Variants in ASB3 observed in about 807,000 individuals in gnomAD.
ASB3 encodes ankyrin repeat and SOCS box protein 3.
A neutral mutation model predicts 54.5 loss-of-function variants in ASB3; 41 were observed. The ratio of observed to expected loss-of-function variants is 0.75; its 90% CI spans 0.59 to 0.98. The LOEUF (loss-of-function observed/expected upper bound fraction) is 0.98. Among genes scored for constraint, ASB3 ranks in the 50% least tolerant of loss-of-function variants. The probability of loss-of-function intolerance (pLI) is 0.00; values close to 1 mark genes in which losing one functional copy is unlikely to be tolerated. For missense variants in ASB3, 733 were observed against 620.0 expected (o/e 1.18, Z -1.94); for synonymous variants, 266 against 221.2 (o/e 1.20, Z -1.80).
intron 7 of ASB3, among the ~76,000 whole-genome samples, chr2:53,706,476 T>C (rs548796712): frequency 6.6e-6 from 1 of 152,126 alleles, no homozygotes; most frequent in South Asian, 2.1e-4. Flanking sequence ...GAATCTGCTA[T>C]GTTGCCCAGG....
At chr2:53,776,965 A>G (rs899418667) in intron 1 of ASB3, among the ~76,000 whole-genome samples, 1 of 152,218 alleles carries the variant, frequency 6.6e-6, no homozygotes, top group Non-Finnish European at 1.5e-5. Flanking sequence ...TGTCAAATTT[A>G]TATGATGAAA....
intron 3 of ASB3, among the ~76,000 whole-genome samples, chr2:53,740,870 A>G (rs3770396): frequency 0.057 from 8,677 of 152,228 alleles, 456 homozygotes; most frequent in East Asian, 0.28. Flanking sequence ...CTAAAATTCC[A>G]CTATCCTATT....
intron 3 of ASB3, among the ~76,000 whole-genome samples, chr2:53,731,173 G>A (rs1025826195): frequency 5.3e-5 from 8 of 152,160 alleles, no homozygotes; most frequent in South Asian, 2.1e-4. Context: ...AGGCTAAGGC[G>A]GGTGGACCAC....
intron 9 of ASB3, among the ~76,000 whole-genome samples, chr2:53,672,479 C>T (rs1015540951): frequency 6.6e-6 from 1 of 152,118 alleles, no homozygotes; most frequent in African/African-American, 2.4e-5. Flanking sequence ...CAAACACCAC[C>T]GTTTTCCAAA....
intron 7 of ASB3, among the ~76,000 whole-genome samples, chr2:53,713,147 C>G (rs1468841174): frequency 2.0e-5 from 3 of 152,186 alleles, no homozygotes; most frequent in African/African-American, 7.2e-5. Context: ...CGAGACCAGG[C>G]TGGTGAAACC....
At chr2:53,674,064 A>G (rs960358897) in intron 9 of ASB3, among the ~76,000 whole-genome samples, 5 of 152,216 alleles carry the variant, frequency 3.3e-5, no homozygotes, top group Non-Finnish European at 7.3e-5. Flanking sequence ...AGTGATGCAT[A>G]GTTATTTCCA....
At chr2:53,756,398 A>T (rs542616714) in intron 2 of ASB3, among the ~76,000 whole-genome samples, 5 of 152,104 alleles carry the variant, frequency 3.3e-5, no homozygotes, top group Non-Finnish European at 7.4e-5. Context: ...TTAACATAGC[A>T]TACAATTTAG....
At chr2:53,770,953 A>G (rs1346410610) in intron 1 of ASB3, among the ~76,000 whole-genome samples, 2 of 152,170 alleles carry the variant, frequency 1.3e-5, no homozygotes, top group African/African-American at 4.8e-5. Context: ...AGTGTAAATC[A>G]CTCATTCTCT....
intron 9 of ASB3, among the ~76,000 whole-genome samples, chr2:53,681,292 C>T (rs1363517359): frequency 6.6e-6 from 1 of 152,184 alleles, no homozygotes; most frequent in Non-Finnish European, 1.5e-5. Context: ...GAGGAAACTC[C>T]AAATACTTTC....
chr2:53,777,530 A>G (rs1674407336), intron 1 of ASB3, among the ~76,000 whole-genome samples: 1 of 152,096 alleles, frequency 6.6e-6, no homozygotes, highest in Non-Finnish European at 1.5e-5. Context: ...TACTCTCTCA[A>G]CCTCTTCATA....
At chr2:53,706,123 T>C (rs1029984160) in intron 7 of ASB3, among the ~76,000 whole-genome samples, 1 of 152,204 alleles carries the variant, frequency 6.6e-6, no homozygotes, top group Non-Finnish European at 1.5e-5. Flanking sequence ...ACTATCCCTA[T>C]TTTAAAGATA....
At chr2:53,683,993 T>G (rs1376792198) in intron 9 of ASB3, among the ~76,000 whole-genome samples, 10 of 152,164 alleles carry the variant, frequency 6.6e-5, no homozygotes, top group Non-Finnish European at 1.2e-4. Flanking sequence ...TTCTAGTAAT[T>G]TTGCGTTTGG....
At chr2:53,676,454 G>A (rs1233800872) in intron 9 of ASB3, among the ~76,000 whole-genome samples, 1 of 152,174 alleles carries the variant, frequency 6.6e-6, no homozygotes, top group Non-Finnish European at 1.5e-5. Flanking sequence ...GGCATACACT[G>A]CGTAAGGATA....
At chr2:53,763,068 T>C (rs1673234268) in intron 2 of ASB3, among the ~76,000 whole-genome samples, 1 of 152,150 alleles carries the variant, frequency 6.6e-6, no homozygotes, top group Non-Finnish European at 1.5e-5. Context: ...TAGATAAACC[T>C]CAGGGAGGTA....
At chr2:53,672,879 T>A (rs960405140) in intron 9 of ASB3, among the ~76,000 whole-genome samples, 13 of 152,244 alleles carry the variant, frequency 8.5e-5, no homozygotes, top group Non-Finnish European at 1.6e-4. Flanking sequence ...CTTATCTTTA[T>A]CAAGTCTTTT....
chr2:53,698,095 T>C (rs1278372867), intron 8 of ASB3, among the ~76,000 whole-genome samples: 3 of 152,178 alleles, frequency 2.0e-5, no homozygotes, highest in Admixed American at 2.0e-4. Context: ...GTCTCTTGCC[T>C]GAGCCCCCAG....
chr2:53,784,951 C>G (rs2104238123), intron 1 of ASB3, among the ~76,000 whole-genome samples: 1 of 152,332 alleles, frequency 6.6e-6, no homozygotes, highest in East Asian at 1.9e-4. Flanking sequence ...CCTGTCCACT[C>G]TCCTGCCTAC....
At chr2:53,708,431 G>A (rs1669908955) in intron 7 of ASB3, among the ~76,000 whole-genome samples, 1 of 152,156 alleles carries the variant, frequency 6.6e-6, no homozygotes, top group South Asian at 2.1e-4. Flanking sequence ...CCCAGTCTCA[G>A]GTATTTCTTT....
chr2:53,694,152 A>G (rs1669063144), intron 8 of ASB3, 138 bp from the exon 9 acceptor site: 2 of 947,848 alleles, frequency 2.1e-6, no homozygotes, highest in South Asian at 3.7e-5. Context: ...TTAAGTATTT[A>G]TGTAACTAGA....
Sources: gnomAD v4.1 joint callset for allele counts (sites outside exome capture counted in the v4.1 genomes callset) on GRCh38, gnomAD v4.1.1 for gene constraint, MANE v1.5 for transcripts, NCBI Gene and HGNC (gene_info 2026-07-23, HGNC 2026-07-21) for gene names.